The following SOX6 variants were observed in gnomAD, a reference collection of about 807,000 sequenced individuals.
SOX6 encodes the protein transcription factor SOX-6.
SOX6 carries 11 observed loss-of-function variants against 97.8 expected under a neutral mutation model. That is an observed-to-expected ratio of 0.11 (90% confidence interval 0.07 to 0.19). The LOEUF (loss-of-function observed/expected upper bound fraction) is 0.19. Among genes scored for constraint, SOX6 ranks in the 10% least tolerant of loss-of-function variants. The pLI is 1.00. For synonymous variants in SOX6, 360 were observed against 371.4 expected, an observed-to-expected ratio of 0.97 and a Z score of 0.35; for missense variants, 810 against 1,039.5, an observed-to-expected ratio of 0.78 and a Z score of 3.04.
intron 3 of SOX6, among the ~76,000 whole-genome samples, chr11:16,251,782 T>G (rs1420611966): frequency 6.6e-6 from 1 of 152,144 alleles, no homozygotes; most frequent in Non-Finnish European, 1.5e-5. Flanking sequence ...ATCTCCGTCA[T>G]AATCATAGAT....
chr11:16,557,178 A>G (rs1565179812), intron 4 of SOX6, among the ~76,000 whole-genome samples: 1 of 151,872 alleles, frequency 6.6e-6, no homozygotes, highest in Admixed American at 6.6e-5. Flanking sequence ...AAACATGTCA[A>G]AAGCCTCTTG....
At chr11:16,149,060 T>C (rs1272497579) in intron 6 of SOX6, among the ~76,000 whole-genome samples, 1 of 152,174 alleles carries the variant, frequency 6.6e-6, no homozygotes, top group Non-Finnish European at 1.5e-5. Flanking sequence ...CTCTCAAAAA[T>C]GCCCCTTCTC....
At chr11:16,668,165 G>A (rs1018999089) in intron 3 of SOX6, among the ~76,000 whole-genome samples, 1 of 152,118 alleles carries the variant, frequency 6.6e-6, no homozygotes, top group Non-Finnish European at 1.5e-5. Flanking sequence ...TTGAGGTCAG[G>A]ACTTCAAGAC....
intron 4 of SOX6, among the ~76,000 whole-genome samples, chr11:16,195,987 G>C (rs1472425542): frequency 6.6e-6 from 1 of 152,138 alleles, no homozygotes; most frequent in Admixed American, 6.6e-5. Context: ...ACTAAGGCTT[G>C]GGACAGTTGC....
chr11:16,135,961 C>A (rs562338140), intron 6 of SOX6, among the ~76,000 whole-genome samples: 1 of 152,302 alleles, frequency 6.6e-6, no homozygotes, highest in African/African-American at 2.4e-5. Context: ...CCCTGACCAG[C>A]CAGCAGCCAA....
chr11:16,521,671 A>G (rs575552839), intron 4 of SOX6, among the ~76,000 whole-genome samples: 1 of 152,362 alleles, frequency 6.6e-6, no homozygotes, highest in African/African-American at 2.4e-5. Context: ...TCAGATGATC[A>G]AACTACTCCG....
intron 11 of SOX6, 122 bp from the exon 12 acceptor site, chr11:16,046,823 T>C: frequency 1.0e-6 from 1 of 988,782 alleles, no homozygotes; most frequent in Non-Finnish European, 1.5e-6. Context: ...ACATTTGCTA[T>C]TTTTTAAACT....
intron 1 of SOX6, 55 bp from the exon 2 acceptor site, chr11:16,341,307 C>T: frequency 1.3e-6 from 2 of 1,596,662 alleles, no homozygotes; most frequent in Non-Finnish European, 1.7e-6. Flanking sequence ...AAACCATAAA[C>T]CAATCCTTGC....
chr11:16,670,280 C>G (rs184086035), intron 3 of SOX6, among the ~76,000 whole-genome samples: 7 of 152,230 alleles, frequency 4.6e-5, no homozygotes, highest in Admixed American at 4.6e-4. Flanking sequence ...GTGCACCATA[C>G]ACACCATATG....
intron 3 of SOX6, among the ~76,000 whole-genome samples, chr11:16,634,756 T>G (rs1311113600): frequency 6.6e-6 from 1 of 152,232 alleles, no homozygotes; most frequent in Non-Finnish European, 1.5e-5. Flanking sequence ...ATGGTTTGGC[T>G]GTATCTCCAC....
chr11:16,158,063 T>A (rs976953924), intron 6 of SOX6, among the ~76,000 whole-genome samples: 15 of 152,044 alleles, frequency 9.9e-5, no homozygotes, highest in Non-Finnish European at 1.9e-4. Flanking sequence ...CTTTCTTTTT[T>A]TATTCTTGTT....
At chr11:16,346,520 G>T (rs767198029) in intron 1 of SOX6, among the ~76,000 whole-genome samples, 5 of 151,852 alleles carry the variant, frequency 3.3e-5, no homozygotes, top group Non-Finnish European at 7.4e-5. Flanking sequence ...CTAATTATTT[G>T]TATTACTTTA....
chr11:16,499,966 C>G (rs1167261251), intron 4 of SOX6, among the ~76,000 whole-genome samples: 1 of 152,230 alleles, frequency 6.6e-6, no homozygotes, highest in East Asian at 1.9e-4. Context: ...TTTATGAGGC[C>G]AGCATCATCC....
At chr11:16,074,842 C>A (rs960115873) in intron 9 of SOX6, among the ~76,000 whole-genome samples, 1 of 152,250 alleles carries the variant, frequency 6.6e-6, no homozygotes, top group South Asian at 2.1e-4. Context: ...CTATCAATGA[C>A]ATTCTTCATA....
intron 6 of SOX6, among the ~76,000 whole-genome samples, chr11:16,137,512 T>G (rs1467236228): frequency 2.0e-5 from 3 of 152,172 alleles, no homozygotes; most frequent in Admixed American, 2.0e-4. Flanking sequence ...AAGTCCATTG[T>G]TTAGATGTCA....
At chr11:16,367,242 T>C (rs996134031) in intron 1 of SOX6, among the ~76,000 whole-genome samples, 1 of 152,288 alleles carries the variant, frequency 6.6e-6, no homozygotes, top group East Asian at 1.9e-4. Context: ...TATACTGTCT[T>C]TTTATGAGAA....
rs938792113 is a variant in SOX6 at position 16,738,446 on chromosome 11, C to T, written n.198G>A. 2.0e-5 allele frequency: 8 copies of T among 408,406 alleles called. 1 individual carries two copies. The Admixed American group carries it at 2.2e-4, about 11-fold the overall frequency. 25.3% of individuals were successfully genotyped at this position (408,406 alleles called of 1,614,324 possible). A position where few individuals can be genotyped will look rare whatever the true frequency, so the allele number is the denominator to read the frequency against. On this transcript the variant is annotated non_coding_transcript_exon_variant, in exon 1 of 6. Transcript: ENST00000524520. The stretch of plus-strand genomic sequence containing the variant: ...TCACCGCCATACACATCCGCGGGAA[C>T]GCTTCCTCCACCAGCCGAAGGCGGG...
intron 4 of SOX6, among the ~76,000 whole-genome samples, chr11:16,505,229 G>C (rs1737455614): frequency 6.6e-6 from 1 of 152,164 alleles, no homozygotes; most frequent in South Asian, 2.1e-4. Context: ...CCAGGCTGAG[G>C]TGGTCTCAGA....
At chr11:16,132,437 GAAAGAAAAAAGA>G in intron 6 of SOX6, among the ~76,000 whole-genome samples, 1 of 65,956 alleles carries the variant, frequency 1.5e-5, no homozygotes, top group African/African-American at 6.2e-5. Flanking sequence ...AAGAAAGAAA[GAAAGAAAAAAGA>G]AAGAAAGAAA....
Sources: gnomAD v4.1 joint callset for allele counts (sites outside exome capture counted in the v4.1 genomes callset) on GRCh38, gnomAD v4.1.1 for gene constraint, MANE v1.5 for transcripts, NCBI Gene and HGNC (gene_info 2026-07-23, HGNC 2026-07-21) for gene names.